Variants in CDH12 observed in about 807,000 individuals in gnomAD.
CDH12 encodes cadherin-12.
CDH12 carries 41 observed loss-of-function variants against 74.1 expected under a neutral mutation model. The ratio of observed to expected loss-of-function variants is 0.55; its 90% CI spans 0.43 to 0.72. The LOEUF (loss-of-function observed/expected upper bound fraction) is 0.72. Ranked by LOEUF, CDH12 falls within the 30% of genes least tolerant of loss-of-function variation. CDH12 has a pLI of 0.00. For missense variants in CDH12, 945 were observed against 977.2 expected (o/e 0.97, Z 0.44); for synonymous variants, 399 against 355.0 (o/e 1.12, Z -1.39).
intron 3 of CDH12, among the ~76,000 whole-genome samples, chr5:22,254,056 T>C (rs1442521460): frequency 1.3e-5 from 2 of 151,720 alleles, no homozygotes; most frequent in African/African-American, 4.8e-5. Flanking sequence ...ACTCAAGAAG[T>C]TTGAGTTCTC....
intron 6 of CDH12, among the ~76,000 whole-genome samples, chr5:21,956,419 C>T (rs1240360584): frequency 6.6e-6 from 1 of 151,966 alleles, no homozygotes; most frequent in Non-Finnish European, 1.5e-5. Flanking sequence ...TTCTCATATC[C>T]AGTAATGTAA....
intron 8 of CDH12, among the ~76,000 whole-genome samples, chr5:21,833,077 TATTATATTATA>T (rs1260689452): frequency 0.021 from 1,091 of 53,176 alleles, 2 homozygotes; most frequent in East Asian, 0.049. Flanking sequence ...ATATAATATA[TATTATATTATA>T]AATATATATT....
intron 1 of CDH12, among the ~76,000 whole-genome samples, chr5:22,798,124 A>G (rs1185039221): frequency 6.6e-6 from 1 of 152,114 alleles, no homozygotes; most frequent in African/African-American, 2.4e-5. Flanking sequence ...CCCTGCCTCA[A>G]ATAAATCCCA....
chr5:22,373,732 A>T (rs1741396675), intron 3 of CDH12, among the ~76,000 whole-genome samples: 1 of 152,204 alleles, frequency 6.6e-6, no homozygotes, highest in Non-Finnish European at 1.5e-5. Context: ...CATGTACCCA[A>T]AGTTAAAGCC....
At chr5:21,803,883 T>G (rs192905694) in intron 9 of CDH12, among the ~76,000 whole-genome samples, 1 of 152,114 alleles carries the variant, frequency 6.6e-6, no homozygotes, top group African/African-American at 2.4e-5. Flanking sequence ...GCATTTCCTC[T>G]GAGGAACAAA....
chr5:22,229,713 A>G (rs1269265828), intron 3 of CDH12, among the ~76,000 whole-genome samples: 1 of 152,104 alleles, frequency 6.6e-6, no homozygotes, highest in African/African-American at 2.4e-5. Flanking sequence ...CTCAAATTTC[A>G]TGCCCACATC....
At chr5:21,953,338 T>C (rs1755951028) in intron 6 of CDH12, among the ~76,000 whole-genome samples, 1 of 152,230 alleles carries the variant, frequency 6.6e-6, no homozygotes, top group Non-Finnish European at 1.5e-5. Flanking sequence ...TACCTGCAAT[T>C]GGTTGTCTCC....
At chr5:21,950,761 TTATTATTA>T (rs1561322745) in intron 6 of CDH12, among the ~76,000 whole-genome samples, 10 of 81,254 alleles carry the variant, frequency 1.2e-4, no homozygotes, top group African/African-American at 3.3e-4. Context: ...TTTTATTTTA[TTATTATTA>T]TTATTATTAT....
chr5:22,420,893 G>A (rs1373902216), intron 2 of CDH12, among the ~76,000 whole-genome samples: 2 of 152,140 alleles, frequency 1.3e-5, no homozygotes, highest in Non-Finnish European at 2.9e-5. Flanking sequence ...AGTTCTTGAA[G>A]AGGTCCTTCA....
intron 1 of CDH12, among the ~76,000 whole-genome samples, chr5:22,670,774 G>A (rs578127627): frequency 2.0e-5 from 3 of 151,972 alleles, no homozygotes; most frequent in South Asian, 2.1e-4. Flanking sequence ...CCTCAGTAAC[G>A]TAGGTGTTTG....
At chr5:21,945,261 C>T (rs1247813380) in intron 6 of CDH12, among the ~76,000 whole-genome samples, 1 of 151,510 alleles carries the variant, frequency 6.6e-6, no homozygotes, top group African/African-American at 2.4e-5. Flanking sequence ...CCCGCCTCTA[C>T]TAAAAATATA....
At chr5:22,486,236 C>T (rs1178015093) in intron 2 of CDH12, among the ~76,000 whole-genome samples, 1 of 152,152 alleles carries the variant, frequency 6.6e-6, no homozygotes, top group Non-Finnish European at 1.5e-5. Flanking sequence ...AAATTGTCAC[C>T]TTTCCTATCA....
chr5:21,971,894 A>G (rs192708656), intron 6 of CDH12, among the ~76,000 whole-genome samples: 165 of 152,294 alleles, frequency 1.1e-3, no homozygotes, highest in Non-Finnish European at 1.5e-3. Flanking sequence ...GAAGTCAGTA[A>G]CGGAGTGATC....
chr5:21,781,558 T>C (rs996125113), intron 11 of CDH12, among the ~76,000 whole-genome samples: 2 of 151,948 alleles, frequency 1.3e-5, no homozygotes, highest in African/African-American at 4.8e-5. Context: ...ACCCTGTCTC[T>C]ACTGAAAATA....
At chr5:22,245,562 C>T (rs192822944) in intron 3 of CDH12, among the ~76,000 whole-genome samples, 175 of 151,654 alleles carry the variant, frequency 1.2e-3, no homozygotes, top group Middle Eastern at 6.9e-3. Flanking sequence ...TGTACAAGGA[C>T]GAGAGTTTAA....
intron 1 of CDH12, among the ~76,000 whole-genome samples, chr5:22,734,239 A>G (rs1744573784): frequency 6.6e-6 from 1 of 151,944 alleles, no homozygotes; most frequent in Non-Finnish European, 1.5e-5. Context: ...TTGATCGCCA[A>G]CTGATTGCCT....
intron 2 of CDH12, among the ~76,000 whole-genome samples, chr5:22,487,545 C>A (rs1746660500): frequency 6.6e-6 from 1 of 152,044 alleles, no homozygotes; most frequent in South Asian, 2.1e-4. Context: ...GATATACATA[C>A]ATTAAATGAA....
intron 5 of CDH12, among the ~76,000 whole-genome samples, chr5:21,988,649 A>G (rs1757621059): frequency 1.3e-5 from 2 of 152,130 alleles, no homozygotes; most frequent in African/African-American, 4.8e-5. Context: ...GAAAATTGGA[A>G]GTAGAACAAA....
chr5:22,288,195 C>T (rs1014579369), intron 3 of CDH12, among the ~76,000 whole-genome samples: 17 of 152,104 alleles, frequency 1.1e-4, no homozygotes, highest in African/African-American at 4.1e-4. Flanking sequence ...AAATATGTCT[C>T]CTTACATCTT....
Sources: gnomAD v4.1 joint callset for allele counts (sites outside exome capture counted in the v4.1 genomes callset) on GRCh38, gnomAD v4.1.1 for gene constraint, MANE v1.5 for transcripts, NCBI Gene and HGNC (gene_info 2026-07-23, HGNC 2026-07-21) for gene names.